UNKL: variants seen among roughly 807,000 people sequenced by gnomAD.
The protein encoded by UNKL is unk like zinc finger.
In UNKL, 60 loss-of-function variants were observed where a neutral mutation model predicts 78.0. The ratio of observed to expected loss-of-function variants is 0.77; its 90% CI spans 0.63 to 0.95. The LOEUF (loss-of-function observed/expected upper bound fraction) is 0.95. Ranked by LOEUF, UNKL falls within the 40% of genes least tolerant of loss-of-function variation. UNKL has a pLI of 0.00. For synonymous variants in UNKL, 608 were observed against 474.8 expected, an observed-to-expected ratio of 1.28 and a Z score of -3.65; for missense variants, 1,159 against 1,045.7, an observed-to-expected ratio of 1.11 and a Z score of -1.49.
chr16:1,368,607 T>C (rs1186780302), intron 12 of UNKL, among the ~76,000 whole-genome samples: 16 of 14,870 alleles, frequency 1.1e-3, no homozygotes, highest in African/African-American at 3.0e-3. Context: ...AGACTCCGTC[T>C]CAAAAAAAAA....
intron 3 of UNKL, among the ~76,000 whole-genome samples, chr16:1,402,486 C>T (rs772914353): frequency 6.6e-6 from 1 of 152,002 alleles, no homozygotes; most frequent in Admixed American, 6.6e-5. Flanking sequence ...CACAGTAAAA[C>T]CCTGTCTCTA....
rs1367288409 is a variant in UNKL, at chr16:1,387,436, G to T, written c.1087-2051C>A. Among the ~76,000 whole-genome samples, 1 of 152,182 alleles carries T rather than the reference G, an allele frequency of 6.6e-6. No individual in the cohort carries two copies. Among genetic ancestry groups the T allele is most frequent in the African/African-American group, 2.4e-5 (1 of 41,444 alleles). On this transcript the variant is annotated intron_variant, in intron 9 of 14. Transcript: ENST00000389221. This position sits in a 1 kb window ranked among gnomAD's most constrained non-coding sequence, Gnocchi z 4.1. ...CTTCAGACCCTCAGTGTGGCCCCAG[G>T]AAGGCTGAGAAGGACCTCTTGACAG...
intron 10 of UNKL, among the ~76,000 whole-genome samples, chr16:1,378,255 AG>A (rs1228375239): frequency 1.3e-5 from 2 of 152,184 alleles, no homozygotes; most frequent in Non-Finnish European, 2.9e-5. Flanking sequence ...GCCTGCCCAC[AG>A]CCCCCTCATG....
chr16:1,366,090 G>T lies in UNKL; in HGVS notation c.*150C>A, dbSNP rs2035228009. On this transcript the variant is annotated 3_prime_UTR_variant, in exon 15 of 15. Coordinates refer to ENST00000389221, the MANE Select transcript of UNKL (RefSeq NM_001372107.1). ...AGGCTGTCAGGCCAAGCGCAGGCGG[G>T]GCTCCCAGCCTCATGATAACGTGTA... is the stretch of plus-strand genomic sequence containing the variant. 6 of 939,652 alleles carry T rather than the reference G, an allele frequency of 6.4e-6. No homozygotes were observed. Among genetic ancestry groups the T allele is most frequent in the Middle Eastern group, 3.7e-4 (1 of 2,738 alleles). 58.2% of individuals were successfully genotyped at this position (939,652 alleles called of 1,614,324 possible).
chr16:1,395,941 G>C (rs2037241527), intron 6 of UNKL: 1 of 359,528 alleles, frequency 2.8e-6, no homozygotes, highest in Middle Eastern at 3.9e-4. Context: ...CTCCCCCTTG[G>C]CTGAGGATTT....
Position 1,371,524 on chromosome 16 carries a change from G to A in UNKL, c.1352C>T (p.Ala451Val), listed in dbSNP as rs2035839830. 12 of 1,536,158 alleles carry A rather than the reference G, an allele frequency of 7.8e-6. No homozygotes were observed. Among genetic ancestry groups the A allele is most frequent in the Non-Finnish European group, 9.6e-6 (11 of 1,146,880 alleles). The change falls in exon 11 of 15, where the codon GCA (alanine) becomes GTA (valine). Residue 451 changes from alanine (A) to valine (V), a missense_variant. By Grantham distance (64) the Ala-to-Val change is moderately conservative. Transcript: ENST00000389221. ...LEEQDGHDLG[A>V]AGPRSLAGSA... ...CAGGTCCTCCCCACCCTCACCTGCT[G>A]CTCCCAGGTCGTGGCCGTCTTGCTC...
intron 4 of UNKL, among the ~76,000 whole-genome samples, chr16:1,400,948 C>G (rs1186808609): frequency 3.9e-5 from 6 of 152,202 alleles, no homozygotes; most frequent in Non-Finnish European, 7.4e-5. Flanking sequence ...CTCGGCCTCC[C>G]AAAGTGCTGA....
intron 11 of UNKL, among the ~76,000 whole-genome samples, chr16:1,370,742 G>T (rs550773057): frequency 1.3e-5 from 2 of 152,242 alleles, no homozygotes; most frequent in Non-Finnish European, 2.9e-5. Context: ...AGAAAGAAAA[G>T]ATACACTTTT....
chr16:1,383,616 G>A lies in UNKL; in HGVS notation c.1264+1592C>T, dbSNP rs528470063. On this transcript the variant is annotated intron_variant, in intron 10 of 14. Coordinates refer to ENST00000389221, the MANE Select transcript of UNKL (RefSeq NM_001372107.1). ...CTCTCTCTCCTCGGCCTCCTTGGCC[G>A]GCATCGTCTAGGAGTTGCTGGGGGC... 2.7e-3 allele frequency: 1,067 copies of A among 390,288 alleles called. 14 individuals are homozygous for A. Among genetic ancestry groups the A allele is most frequent in the South Asian group, 0.018 (1,010 of 56,812 alleles). The allele number at this position is 390,288 out of a possible 1,614,324, so 24.2% of individuals were successfully genotyped here.
intron 12 of UNKL, among the ~76,000 whole-genome samples, chr16:1,369,703 G>A (rs536771909): frequency 3.9e-5 from 6 of 152,184 alleles, no homozygotes; most frequent in South Asian, 2.1e-4. Flanking sequence ...ACAAATAGCC[G>A]GGCACGGTGG....
At chr16:1,414,175 T>G in intron 1 of UNKL, 120 bp from the exon 2 acceptor site, 2 of 978,708 alleles carry the variant, frequency 2.0e-6, no homozygotes, top group Non-Finnish European at 2.9e-6. Context: ...GTACTCACAT[T>G]CCCGGCGGGC....
intron 10 of UNKL, among the ~76,000 whole-genome samples, chr16:1,376,711 C>CA (rs567169309): frequency 2.6e-5 from 4 of 151,842 alleles, no homozygotes; most frequent in South Asian, 2.1e-4. Context: ...CCAAGACCCC[C>CA]CCATGGACGC....
At chr16:1,404,105 A>G (rs923669718) in intron 2 of UNKL, among the ~76,000 whole-genome samples, 1 of 151,930 alleles carries the variant, frequency 6.6e-6, no homozygotes, top group African/African-American at 2.4e-5. Context: ...GCCTCCAGGT[A>G]GGTCACTCCA....
chr16:1,401,723 G>A (rs770354159), intron 3 of UNKL, 22 bp from the exon 4 acceptor site: 1 of 1,595,782 alleles, frequency 6.3e-7, no homozygotes, highest in Non-Finnish European at 8.5e-7. Flanking sequence ...GGACACAGTG[G>A]TCACAGCTCT....
At chr16:1,381,918 G>A (rs1567216097) in intron 10 of UNKL, among the ~76,000 whole-genome samples, 1 of 152,186 alleles carries the variant, frequency 6.6e-6, no homozygotes, top group Non-Finnish European at 1.5e-5. Flanking sequence ...ACTCCTGCCT[G>A]GGTGACAGGG....
intron 5 of UNKL, chr16:1,398,722 GCAAGC>G: frequency 1.4e-6 from 2 of 1,459,114 alleles, no homozygotes; most frequent in Non-Finnish European, 1.8e-6. Context: ...CAGACAGGAG[GCAAGC>G]CAGGCCAGGC....
chr16:1,414,585 C>CG (rs1433224843), intron 1 of UNKL, 30 bp downstream of exon 1: 6 of 991,846 alleles, frequency 6.0e-6, no homozygotes, highest in South Asian at 4.2e-5. Context: ...CGGGCGCGGG[C>CG]GGGGGGCCGC....
At chr16:1,408,066 C>T (rs1206904542) in intron 2 of UNKL, among the ~76,000 whole-genome samples, 5 of 152,022 alleles carry the variant, frequency 3.3e-5, no homozygotes, top group African/African-American at 7.2e-5. Flanking sequence ...GATCGAGCCA[C>T]GGCACTCCAG....
intron 8 of UNKL, 93 bp downstream of exon 8, chr16:1,392,798 C>A: frequency 7.0e-7 from 1 of 1,432,088 alleles, no homozygotes; most frequent in Non-Finnish European, 9.6e-7. Flanking sequence ...TGCCCACGAC[C>A]ACATTGCTGA....
Sources: allele counts gnomAD v4.1 joint callset (sites outside exome capture counted in the v4.1 genomes callset), GRCh38; gene constraint gnomAD v4.1.1; non-coding constraint Gnocchi (gnomAD v3.1); transcripts MANE v1.5; gene names NCBI Gene and HGNC (gene_info 2026-07-23, HGNC 2026-07-21).